Variants in PCDH15 observed in about 807,000 individuals in gnomAD.
The protein encoded by PCDH15 is protocadherin-15.
A neutral mutation model predicts 178.5 loss-of-function variants in PCDH15; 129 were observed. That is an observed-to-expected ratio of 0.72 (90% CI 0.63 to 0.84). PCDH15 has a LOEUF of 0.84. PCDH15 is among the 40% of genes least tolerant of loss of function. The pLI, the probability that PCDH15 is intolerant of heterozygous loss-of-function variation, is 0.00. For synonymous variants in PCDH15, 800 were observed against 732.0 expected, an observed-to-expected ratio of 1.09 and a Z score of -1.50; for missense variants, 2,230 against 2,099.9, an observed-to-expected ratio of 1.06 and a Z score of -1.21.
At chr10:54,833,590 G>C (rs1021077944) in intron 3 of PCDH15, among the ~76,000 whole-genome samples, 3 of 152,152 alleles carry the variant, frequency 2.0e-5, no homozygotes, top group African/African-American at 7.2e-5. Context: ...CAGCCCTACA[G>C]ACCTCCCCTA....
chr10:54,328,015 C>T (rs10825306), intron 7 of PCDH15, among the ~76,000 whole-genome samples: 102,598 of 151,882 alleles, frequency 0.68, 35,389 homozygotes, highest in Middle Eastern at 0.82. Context: ...TAAAGATCAC[C>T]GTTGGTGTTG....
intron 23 of PCDH15, among the ~76,000 whole-genome samples, chr10:53,952,414 G>A (rs1030141759): frequency 3.3e-5 from 5 of 152,188 alleles, no homozygotes; most frequent in Non-Finnish European, 5.9e-5. Context: ...GAGACCCAGA[G>A]TGGGTAGCTC....
Position 54,456,658 on chromosome 10 carries a change from C to T in PCDH15, c.157+71154G>A, listed in dbSNP as rs117973973. ...ATGATTGTGTTTTGAAATGTGAGTA[C>T]GTGAGATTTGGGAGGGACTAGGGGT... On this transcript the variant is annotated intron_variant, in intron 3 of 37. Transcript: ENST00000644397. Among the ~76,000 whole-genome samples the T allele has an allele frequency of 1.4e-3, 209 of 152,140 alleles. 3 individuals carry two copies. The East Asian group carries it at 0.031, about 23-fold the overall frequency.
At chr10:54,495,752 T>C (rs1352688710) in intron 3 of PCDH15, among the ~76,000 whole-genome samples, 1 of 152,160 alleles carries the variant, frequency 6.6e-6, no homozygotes, top group Non-Finnish European at 1.5e-5. Flanking sequence ...CTATTTCAGG[T>C]CTGTGTCCAA....
intron 1 of PCDH15, among the ~76,000 whole-genome samples, chr10:55,205,493 A>T (rs543165311): frequency 5.3e-5 from 8 of 152,058 alleles, no homozygotes; most frequent in Non-Finnish European, 8.8e-5. Context: ...TATATTTTCA[A>T]ATATAATATT....
At chr10:54,583,101 G>T (rs150352891) in intron 2 of PCDH15, among the ~76,000 whole-genome samples, 1 of 151,876 alleles carries the variant, frequency 6.6e-6, no homozygotes, top group Non-Finnish European at 1.5e-5. Context: ...TGAATTTTGC[G>T]TTATTACTTG....
chr10:54,317,686 C>A (rs1278380260), intron 7 of PCDH15, among the ~76,000 whole-genome samples: 2 of 151,888 alleles, frequency 1.3e-5, no homozygotes, highest in Non-Finnish European at 2.9e-5. Flanking sequence ...GCAGGAGGAT[C>A]GCTTGAACTT....
intron 2 of PCDH15, among the ~76,000 whole-genome samples, chr10:54,543,981 C>A (rs939538231): frequency 6.6e-6 from 1 of 152,108 alleles, no homozygotes; most frequent in Non-Finnish European, 1.5e-5. Flanking sequence ...AACACCTGAC[C>A]CGTGTGTATG....
chr10:55,330,835 T>C (rs919517422), intron 2 of PCDH15, among the ~76,000 whole-genome samples: 2 of 106,744 alleles, frequency 1.9e-5, no homozygotes, highest in African/African-American at 7.0e-5. Flanking sequence ...GATAGATTTA[T>C]TTATGTGTGT....
At chr10:55,088,655 G>C (rs1359015890) in intron 2 of PCDH15, among the ~76,000 whole-genome samples, 3 of 151,956 alleles carry the variant, frequency 2.0e-5, no homozygotes, top group Non-Finnish European at 2.9e-5. Context: ...GCAATGTACA[G>C]GTAGAATTTA....
chr10:55,016,088 CT>C (rs1214456541), intron 2 of PCDH15, among the ~76,000 whole-genome samples: 11 of 112,432 alleles, frequency 9.8e-5, no homozygotes, highest in South Asian at 3.4e-4. Context: ...CCTCAATGAC[CT>C]TTTTTTTTTA....
chr10:54,505,066 G>GT (rs886265798), intron 3 of PCDH15, among the ~76,000 whole-genome samples: 10 of 151,902 alleles, frequency 6.6e-5, no homozygotes, highest in East Asian at 5.8e-4. Flanking sequence ...TTGTTTTTTT[G>GT]TTTTTTTCCT....
chr10:55,442,408 G>GTTTTCA (rs2132070259), intron 2 of PCDH15, among the ~76,000 whole-genome samples: 1 of 138,360 alleles, frequency 7.2e-6, no homozygotes, highest in South Asian at 2.3e-4. Context: ...TTTATTTCTG[G>GTTTTCA]TTTTCACAAA....
At position 54,551,677 on chromosome 10, in the gene PCDH15, G is replaced by A. The variant is rs571476759; in HGVS notation, c.92-23800C>T. ...TTTAAAACAAATCTAGAAATTAAAT[G>A]TATCATATTTTCCATACTGTTTTTG... On this transcript the variant is annotated intron_variant, in intron 2 of 37. Coordinates refer to ENST00000644397, the MANE Select transcript of PCDH15 (RefSeq NM_001384140.1). Among the ~76,000 whole-genome samples the A allele has an allele frequency of 2.7e-4, 41 of 152,014 alleles. No homozygotes were observed. The South Asian group carries it at 3.5e-3, about 13-fold the overall frequency.
At chr10:53,926,464 A>T (rs2084562833) in intron 25 of PCDH15, among the ~76,000 whole-genome samples, 1 of 152,208 alleles carries the variant, frequency 6.6e-6, no homozygotes, top group Non-Finnish European at 1.5e-5. Flanking sequence ...TATCTCAGGT[A>T]ATTATCACCA....
intron 2 of PCDH15, among the ~76,000 whole-genome samples, chr10:55,137,360 C>A (rs1838221755): frequency 6.6e-6 from 1 of 152,070 alleles, no homozygotes; most frequent in Admixed American, 6.6e-5. Flanking sequence ...TAGTAAAATG[C>A]CGTATAGGTT....
intron 26 of PCDH15, among the ~76,000 whole-genome samples, chr10:53,895,772 A>G (rs1319030624): frequency 1.3e-5 from 2 of 152,166 alleles, no homozygotes; most frequent in African/African-American, 4.8e-5. Context: ...GGGTGTCACA[A>G]TTTACACAGT....
chr10:55,185,188 T>A (rs1156951640), intron 1 of PCDH15, among the ~76,000 whole-genome samples: 2 of 151,842 alleles, frequency 1.3e-5, no homozygotes, highest in Non-Finnish European at 2.9e-5. Context: ...TTTGTAAACC[T>A]AAAATATATT....
intron 20 of PCDH15, among the ~76,000 whole-genome samples, chr10:54,007,304 T>A (rs1176110127): frequency 6.6e-6 from 1 of 152,144 alleles, no homozygotes; most frequent in Non-Finnish European, 1.5e-5. Flanking sequence ...TAATTTACTA[T>A]CATCACAGAT....
Sources: gnomAD v4.1 joint callset for allele counts (sites outside exome capture counted in the v4.1 genomes callset) on GRCh38, gnomAD v4.1.1 for gene constraint, MANE v1.5 for transcripts, NCBI Gene and HGNC (gene_info 2026-07-23, HGNC 2026-07-21) for gene names.